Variants in PPFIA2 observed in about 807,000 individuals in gnomAD.
The protein encoded by PPFIA2 is liprin-alpha-2.
In PPFIA2, 46 loss-of-function variants were observed where a neutral mutation model predicts 175.5. The observed-to-expected ratio is 0.26, with a 90% CI of 0.21 to 0.34. PPFIA2 has a LOEUF of 0.34. Ranked by LOEUF, PPFIA2 falls within the 10% of genes least tolerant of loss-of-function variation. The pLI, the probability that PPFIA2 is intolerant of heterozygous loss-of-function variation, is 1.00. For synonymous variants in PPFIA2, 568 were observed against 511.4 expected (o/e 1.11, Z -1.49); for missense variants, 1,179 against 1,506.1 (o/e 0.78, Z 3.60).
intron 7 of PPFIA2, among the ~76,000 whole-genome samples, chr12:81,411,459 A>G (rs1198473247): frequency 1.3e-5 from 2 of 152,008 alleles, no homozygotes; most frequent in Non-Finnish European, 2.9e-5. Flanking sequence ...CCAATCTTCT[A>G]GGTTTCATTC....
In PPFIA2 at chr12:81,508,424, G is replaced by A. The variant is rs1252142087; in HGVS notation, c.304-50558C>T. On this transcript the variant is annotated intron_variant, in intron 4 of 32. Transcript: ENST00000549396. ...TAATCCCAGCTATTCGGGAGGCTGA[G>A]GCAGGAGAATCACTTGAACCCAGGA... is the stretch of plus-strand genomic sequence containing the variant. Among the ~76,000 whole-genome samples the A allele has an allele frequency of 5.3e-5, 8 of 150,168 alleles. No homozygotes were observed. In the Admixed American group the frequency reaches 5.3e-4, roughly 10 times the overall value.
At chr12:81,632,672 A>G (rs987616027) in intron 4 of PPFIA2, among the ~76,000 whole-genome samples, 1 of 151,136 alleles carries the variant, frequency 6.6e-6, no homozygotes, top group Non-Finnish European at 1.5e-5. Context: ...ATTACACAAT[A>G]TGTTTAATTT....
chr12:81,325,718 T>A (rs2139793631), intron 22 of PPFIA2, 59 bp downstream of exon 22: 21 of 1,229,374 alleles, frequency 1.7e-5, no homozygotes, highest in Non-Finnish European at 2.5e-5. Context: ...TAATTCCCTA[T>A]AAATAATAAT....
chr12:81,596,511 T>C (rs2059263060), intron 4 of PPFIA2, among the ~76,000 whole-genome samples: 1 of 152,086 alleles, frequency 6.6e-6, no homozygotes, highest in African/African-American at 2.4e-5. Context: ...TAGTTAAAAA[T>C]CGTTGCAGTG....
intron 22 of PPFIA2, among the ~76,000 whole-genome samples, chr12:81,324,384 T>C (rs992658576): frequency 1.3e-5 from 2 of 152,036 alleles, no homozygotes; most frequent in Non-Finnish European, 2.9e-5. Context: ...AATATCAGAC[T>C]TATATGCAAT....
intron 16 of PPFIA2, among the ~76,000 whole-genome samples, chr12:81,357,648 G>A (rs2061046902): frequency 6.6e-6 from 1 of 152,114 alleles, no homozygotes; most frequent in Non-Finnish European, 1.5e-5. Context: ...CAACATGAAT[G>A]CCATTGCTCA....
intron 3 of PPFIA2, among the ~76,000 whole-genome samples, chr12:81,743,435 A>G (rs1342605423): frequency 1.3e-5 from 2 of 149,356 alleles, no homozygotes; most frequent in African/African-American, 5.0e-5. Flanking sequence ...AAAAAAAAAA[A>G]AAAAAAAAAA....
chr12:81,718,905 G>C (rs1368601540), intron 3 of PPFIA2, among the ~76,000 whole-genome samples: 2 of 151,544 alleles, frequency 1.3e-5, no homozygotes, highest in African/African-American at 4.8e-5. Flanking sequence ...AAGGGAAATA[G>C]TGATAATAAT....
chr12:81,675,201 C>T (rs543717968), intron 4 of PPFIA2, among the ~76,000 whole-genome samples: 112 of 101,156 alleles, frequency 1.1e-3, no homozygotes, highest in African/African-American at 3.5e-3. Context: ...TACACACATA[C>T]ACACACACAC....
At chr12:81,299,170 C>A in intron 23 of PPFIA2, 131 bp downstream of exon 23, 2 of 1,202,042 alleles carry the variant, frequency 1.7e-6, no homozygotes, top group Admixed American at 6.0e-5. Context: ...CCCTAGTAAG[C>A]AAATAGTCCC....
At chr12:81,641,213 C>A (rs2064924237) in intron 4 of PPFIA2, among the ~76,000 whole-genome samples, 1 of 152,058 alleles carries the variant, frequency 6.6e-6, no homozygotes, top group Admixed American at 6.6e-5. Flanking sequence ...AAGTATTTAA[C>A]CACATAAATT....
At chr12:81,596,255 C>G (rs758325998) in intron 4 of PPFIA2, among the ~76,000 whole-genome samples, 11 of 150,350 alleles carry the variant, frequency 7.3e-5, no homozygotes, top group Non-Finnish European at 1.6e-4. Context: ...CTATTATATA[C>G]CTTAATCTTT....
At chr12:81,557,851 G>T (rs758301926) in intron 4 of PPFIA2, among the ~76,000 whole-genome samples, 2 of 151,922 alleles carry the variant, frequency 1.3e-5, no homozygotes, top group Non-Finnish European at 2.9e-5. Context: ...GAGAATTAGT[G>T]CTTATGCTAA....
At chr12:81,574,908 C>T (rs1054556170) in intron 4 of PPFIA2, among the ~76,000 whole-genome samples, 2 of 151,634 alleles carry the variant, frequency 1.3e-5, no homozygotes, top group Non-Finnish European at 3.0e-5. Flanking sequence ...TGATTTTTCT[C>T]CTCTTTTCAT....
intron 4 of PPFIA2, among the ~76,000 whole-genome samples, chr12:81,588,596 C>T (rs116772325): frequency 6.6e-6 from 1 of 152,082 alleles, no homozygotes; most frequent in South Asian, 2.1e-4. Context: ...ACGGCTCCTT[C>T]TCCATATTCA....
At chr12:81,355,200 T>C (rs374932744) in intron 16 of PPFIA2, among the ~76,000 whole-genome samples, 12 of 152,312 alleles carry the variant, frequency 7.9e-5, no homozygotes, top group East Asian at 7.7e-4. Flanking sequence ...TGAGCATCTC[T>C]GTCAGAGCTC....
chr12:81,352,224 A>T (rs1315630560), intron 17 of PPFIA2, among the ~76,000 whole-genome samples: 1 of 151,880 alleles, frequency 6.6e-6, no homozygotes, highest in Non-Finnish European at 1.5e-5. Context: ...AAAGGCTCTC[A>T]GATCCCTTAA....
intron 9 of PPFIA2, among the ~76,000 whole-genome samples, chr12:81,380,987 T>C (rs1369732304): frequency 1.4e-5 from 2 of 142,346 alleles, no homozygotes; most frequent in Non-Finnish European, 3.0e-5. Context: ...TGTGTGTGTG[T>C]GTGTGTGTGT....
At chr12:81,418,390 T>C (rs2045681558) in intron 7 of PPFIA2, among the ~76,000 whole-genome samples, 1 of 151,994 alleles carries the variant, frequency 6.6e-6, no homozygotes, top group South Asian at 2.1e-4. Flanking sequence ...CATACTTTTA[T>C]TGCTCCTTAT....
Sources: allele counts gnomAD v4.1 joint callset (sites outside exome capture counted in the v4.1 genomes callset), GRCh38; gene constraint gnomAD v4.1.1; transcripts MANE v1.5; gene names NCBI Gene and HGNC (gene_info 2026-07-23, HGNC 2026-07-21).